NYNRIN: variants seen among roughly 807,000 people sequenced by gnomAD.
The protein encoded by NYNRIN is protein NYNRIN.
Under a neutral mutation model 146.6 loss-of-function variants are expected in NYNRIN, and 86 were observed. The ratio of observed to expected loss-of-function variants is 0.59; its 90% CI spans 0.49 to 0.70. NYNRIN has a LOEUF of 0.70. NYNRIN is among the 30% of genes least tolerant of loss of function. The probability of loss-of-function intolerance (pLI) is 0.00; values close to 1 mark genes in which losing one functional copy is unlikely to be tolerated. For synonymous variants in NYNRIN, 1,027 were observed against 1,001.3 expected, an observed-to-expected ratio of 1.03 and a Z score of -0.48; for missense variants, 2,191 against 2,377.7, an observed-to-expected ratio of 0.92 and a Z score of 1.63.
chr14:24,415,351 G>T lies in NYNRIN; in HGVS notation c.3602G>T (p.Gly1201Val), dbSNP rs2042937618. The part of the protein sequence containing the change: ...KPLLPDEESQ[G>V]PQSGGDSPYA... The stretch of plus-strand genomic sequence containing the variant: ...CTCCTCCCTGATGAGGAGAGCCAGG[G>T]CCCCCAGTCAGGGGGTGACAGCCCC... Residue 1201 changes from glycine to valine, a missense_variant, in exon 9 of 9, where the codon GGC becomes GTC. Physicochemically the swap from Gly to Val is moderately radical, Grantham distance 109. Around this residue, in one of 3 missense-constraint regions of NYNRIN, gnomAD observed 1,291 missense variants for 1,417.0 expected, o/e 0.91. Coordinates refer to ENST00000382554, the MANE Select transcript of NYNRIN (RefSeq NM_025081.3). The T allele has an allele frequency of 1.2e-6, 2 of 1,613,830 alleles. No homozygotes were observed. Among genetic ancestry groups the T allele is most frequent in the African/African-American group, 2.7e-5 (2 of 74,924 alleles).
rs535856737 is a variant in NYNRIN at position 24,399,839 on chromosome 14, C to T, written c.198+395C>T. On this transcript the variant is annotated intron_variant, in intron 2 of 8. Coordinates refer to ENST00000382554, the MANE Select transcript of NYNRIN (RefSeq NM_025081.3). ...GGCCTCTGCAACACACCTCTTTGTT[C>T]TCCACCAAGACTGAAAGGCCCAGGT... Among the ~76,000 whole-genome samples, 24 of 152,346 alleles carry T rather than the reference C, an allele frequency of 1.6e-4. No homozygotes were observed. In the Middle Eastern group the frequency reaches 0.01, roughly 65 times the overall value.
rs1428083379 is a variant in NYNRIN, at chr14:24,410,958, G to C, written c.2415-118G>C. 5.6e-6 allele frequency: 7 copies of C among 1,245,376 alleles called. No individual in the cohort carries two copies. In the Admixed American group the frequency reaches 1.4e-4, roughly 25 times the overall value. 77.1% of individuals were successfully genotyped at this position (1,245,376 alleles called of 1,614,324 possible). A position where few individuals can be genotyped will look rare whatever the true frequency, so the allele number is the denominator to read the frequency against. On this transcript the variant is annotated intron_variant, in intron 4 of 8. Transcript: ENST00000382554. ...CTCACAGAATGTCTGAGTATGGAGG[G>C]AAGGGGAGAGGGCATCATTGGTGTC... is the stretch of plus-strand genomic sequence containing the variant.
intron 6 of NYNRIN, among the ~76,000 whole-genome samples, chr14:24,412,304 G>A (rs1223731094): frequency 6.6e-6 from 1 of 152,184 alleles, no homozygotes; most frequent in Admixed American, 6.5e-5. Context: ...CTGGGCACTT[G>A]AAGAGTAGCA....
rs376539582 is a variant in NYNRIN, at chr14:24,416,857, C to A, written c.5108C>A (p.Ser1703Tyr). 7.5e-6 allele frequency: 12 copies of A among 1,608,492 alleles called. No individual in the cohort carries two copies. The highest frequency in any genetic ancestry group is 1.0e-5 in the Non-Finnish European group (12 of 1,176,724). The change falls in exon 9 of 9, where the codon TCC becomes TAC. Residue 1703 changes from serine (S) to tyrosine (Y), a missense_variant. Coordinates refer to ENST00000382554, the MANE Select transcript of NYNRIN (RefSeq NM_025081.3). The stretch of plus-strand genomic sequence containing the variant: ...CTGGCCCTGGGAGCCCAGGTGGCCT[C>A]CCTGAGTCGGGACCTCCAGTTCCCC... ...CGLALGAQVASLSRDLQFPCL... is the reference protein window; with the variant it reads ...CGLALGAQVAYLSRDLQFPCL...
Position 24,410,040 on chromosome 14 carries a change from A to T in NYNRIN, c.2246A>T (p.Glu749Val), listed in dbSNP as rs2042902108. 6.2e-7 allele frequency: 1 copy of T among 1,613,792 alleles called. No homozygotes were observed. The highest frequency in any genetic ancestry group is 8.5e-7 in the Non-Finnish European group (1 of 1,179,850). ...FQMEGLLGAW[E>V]GAPRQPPRHL... ...ATGGAGGGGCTCCTGGGGGCTTGGG[A>T]GGGGGCCCCAAGGCAGCCACCTCGC... Residue 749 changes from glutamate (E) to valine (V), a missense_variant, in exon 4 of 9, where the codon GAG becomes GTG. Coordinates refer to ENST00000382554, the MANE Select transcript of NYNRIN (RefSeq NM_025081.3).
At position 24,410,048 on chromosome 14, in the gene NYNRIN, C is replaced by T. The variant is rs1342119984; in HGVS notation, c.2254C>T (p.Pro752Ser). The change falls in exon 4 of 9, where the codon CCA becomes TCA. Residue 752 changes from proline to serine, a missense_variant. Transcript: ENST00000382554. ...GCTCCTGGGGGCTTGGGAGGGGGCC[C>T]CAAGGCAGCCACCTCGCCACCTGCA... ...EGLLGAWEGA[P>S]RQPPRHLQAN... 4.3e-6 allele frequency: 7 copies of T among 1,613,902 alleles called. No individual in the cohort carries two copies. Among genetic ancestry groups the T allele is most frequent in the Non-Finnish European group, 4.2e-6 (5 of 1,179,902 alleles).
In NYNRIN at chr14:24,414,627, G is replaced by A. The variant is rs200069421; in HGVS notation, c.2878G>A (p.Val960Met). Reference protein sequence around the residue: ...LDTDIGNFLKVWKTLPPSSAS... With the variant: ...LDTDIGNFLKMWKTLPPSSAS... ...CACTGACATTGGCAACTTCCTGAAG[G>A]TGTGGAAGACCCTTCCTCCCAGCTC... The change falls in exon 9 of 9, where the codon GTG (valine) becomes ATG (methionine). Residue 960 changes from valine (V) to methionine (M), a missense_variant. Around this residue, in one of 3 missense-constraint regions of NYNRIN, gnomAD observed 1,291 missense variants for 1,417.0 expected, o/e 0.91. Transcript: ENST00000382554. The A allele has an allele frequency of 2.2e-5, 35 of 1,613,416 alleles. No individual in the cohort carries two copies. Among genetic ancestry groups the A allele is most frequent in the Non-Finnish European group, 3.0e-5 (35 of 1,179,508 alleles).
Position 24,416,312 on chromosome 14 carries a change from C to G in NYNRIN, c.4563C>G (p.Gly1521=). Residue 1521 remains glycine, a synonymous_variant, in exon 9 of 9, where the codon GGC becomes GGG. Transcript: ENST00000382554. The stretch of plus-strand genomic sequence containing the variant: ...CACTCAGCCTCGACAAGGAGAGTGG[C>G]CTGCTTATGTTCAAGGGAGATAAGA... ...FNSLSLDKES[G]LLMFKGDKKP... The G allele has an allele frequency of 6.2e-7, 1 of 1,613,858 alleles. No homozygotes were observed. Among genetic ancestry groups the G allele is most frequent in the Non-Finnish European group, 8.5e-7 (1 of 1,179,844 alleles).
In NYNRIN at chr14:24,417,092, T is replaced by A; in HGVS notation, c.5343T>A (p.Ile1781=). 1.2e-6 allele frequency: 2 copies of A among 1,613,544 alleles called. 1 individual carries two copies. Among genetic ancestry groups the A allele is most frequent in the South Asian group, 2.2e-5 (2 of 91,050 alleles). ...GGTGGGAGATGAGCAGCGCAAACAT[T>A]GAAGGGCTCAAGATGGACGTCTTCC... ...PLWWEMSSAN[I]EGLKMDVFLL... is the part of the protein sequence containing the mutation. The change falls in exon 9 of 9, where the codon ATT becomes ATA. Residue 1781 remains isoleucine (I), a synonymous_variant. Coordinates refer to ENST00000382554, the MANE Select transcript of NYNRIN (RefSeq NM_025081.3).
In NYNRIN at chr14:24,411,293, G is replaced by C; in HGVS notation, c.2546-61G>C. On this transcript the variant is annotated intron_variant, in intron 5 of 8. Coordinates refer to ENST00000382554, the MANE Select transcript of NYNRIN (RefSeq NM_025081.3). This position sits in a 1 kb window ranked among gnomAD's most constrained non-coding sequence, Gnocchi z 4.3. ...GCTGCCCCGACCCTCTGCCACCCCA[G>C]AGTGGCCATTTCCACTTAGCCCTCC... is the stretch of plus-strand genomic sequence containing the variant. 1 of 1,612,934 alleles carries C rather than the reference G, an allele frequency of 6.2e-7. No individual in the cohort carries two copies. The highest frequency in any genetic ancestry group is 1.1e-5 in the South Asian group (1 of 91,068).
Position 24,417,668 on chromosome 14 carries a change from A to G in NYNRIN, c.*222A>G. On this transcript the variant is annotated 3_prime_UTR_variant, in exon 9 of 9. Coordinates refer to ENST00000382554, the MANE Select transcript of NYNRIN (RefSeq NM_025081.3). ...CTTGGAGAATTTGCCAAAGGCTGTC[A>G]GATATGGGTCCCTGGCAGTTTTACA... The G allele has an allele frequency of 3.6e-6, 2 of 560,712 alleles. No individual in the cohort carries two copies. Among genetic ancestry groups the G allele is most frequent in the Admixed American group, 7.4e-5 (2 of 27,082 alleles). The allele number at this position is 560,712 out of a possible 1,614,324, so 34.7% of individuals were successfully genotyped here. A position where few individuals can be genotyped will look rare whatever the true frequency, so the allele number is the denominator to read the frequency against.
Position 24,415,188 on chromosome 14 carries a change from T to A in NYNRIN, c.3439T>A (p.Ser1147Thr). ...AFLALKRALV[S>T]ALCLMAPNSQ... is the part of the protein sequence containing the mutation. ...CCTGGCCCTGAAGCGAGCCCTGGTG[T>A]CTGCCCTCTGCCTGATGGCCCCCAA... Residue 1147 changes from serine (S) to threonine (T), a missense_variant, in exon 9 of 9, where the codon TCT (serine) becomes ACT (threonine). Ser to Thr is a moderately conservative substitution (Grantham distance 58). Transcript: ENST00000382554. 1 of 1,609,570 alleles carries A rather than the reference T, an allele frequency of 6.2e-7. No individual in the cohort carries two copies. Among genetic ancestry groups the A allele is most frequent in the Non-Finnish European group, 8.5e-7 (1 of 1,179,720 alleles).
In NYNRIN at chr14:24,416,034, C is replaced by T. The variant is rs1317282176; in HGVS notation, c.4285C>T (p.Arg1429Ter). 8.1e-6 allele frequency: 13 copies of T among 1,613,898 alleles called. No homozygotes were observed. The highest frequency in any genetic ancestry group is 2.7e-5 in the African/African-American group (2 of 74,920). The change falls in exon 9 of 9, where the codon CGA becomes TGA. Residue 1429 changes from arginine to a stop codon, truncating the protein, a stop_gained. Coordinates refer to ENST00000382554, the MANE Select transcript of NYNRIN (RefSeq NM_025081.3). LOFTEE classifies it high-confidence loss of function. ...CCTCTCATCCCTTCCGTTTATCTAC[C>T]GAACCTCCTACCGGGGCTCTCTGTT... ...SGLSSLPFIY[R>*]TSYRGSLFAV...
In NYNRIN at chr14:24,417,126, C is replaced by T; in HGVS notation, c.5377C>T (p.Leu1793=). Residue 1793 remains leucine, a synonymous_variant, in exon 9 of 9, where the codon CTG becomes TTG. Transcript: ENST00000382554. ...GLKMDVFLLQ[L]VGELLELHWR... ...CAAGATGGACGTCTTCCTGCTACAG[C>T]TGGTGGGGGAGCTGCTGGAGCTCCA... is the stretch of plus-strand genomic sequence containing the variant. 2 of 1,613,912 alleles carry T rather than the reference C, an allele frequency of 1.2e-6. No homozygotes were observed. The highest frequency in any genetic ancestry group is 2.2e-5 in the East Asian group (1 of 44,878).
At position 24,410,171 on chromosome 14, in the gene NYNRIN, C is replaced by T. The variant is rs762063546; in HGVS notation, c.2377C>T (p.Arg793Trp). ...AGGGGAACCTGGAAACCAGGGGTTGCGGCGAGTGGTCATCGATGGCAGCAG... is the reference window on the plus strand; with the variant it reads ...AGGGGAACCTGGAAACCAGGGGTTGTGGCGAGTGGTCATCGATGGCAGCAG... ...LSGEPGNQGL[R>W]RVVIDGSSVA... Residue 793 changes from arginine (R) to tryptophan (W), a missense_variant, in exon 4 of 9, where the codon CGG becomes TGG. Arg to Trp is a moderately radical substitution (Grantham distance 101). Coordinates refer to ENST00000382554, the MANE Select transcript of NYNRIN (RefSeq NM_025081.3). 2.5e-6 allele frequency: 4 copies of T among 1,609,744 alleles called. No individual in the cohort carries two copies. The highest frequency in any genetic ancestry group is 2.2e-5 in the East Asian group (1 of 44,810).
At position 24,408,842 on chromosome 14, in the gene NYNRIN, T is replaced by C; in HGVS notation, c.1048T>C (p.Trp350Arg). 1 of 1,614,034 alleles carries C rather than the reference T, an allele frequency of 6.2e-7. No homozygotes were observed. The highest frequency in any genetic ancestry group is 8.5e-7 in the Non-Finnish European group (1 of 1,179,890). ...ALGVCPPWKA[W>R]TPGPAFGPLW... ...GGGTGTGTGCCCACCCTGGAAGGCC[T>C]GGACCCCGGGGCCAGCCTTTGGGCC... Residue 350 changes from tryptophan (W) to arginine (R), a missense_variant, in exon 4 of 9, where the codon TGG becomes CGG. Around this residue, in one of 3 missense-constraint regions of NYNRIN, gnomAD observed 895 missense variants for 941.2 expected, o/e 0.95. Coordinates refer to ENST00000382554, the MANE Select transcript of NYNRIN (RefSeq NM_025081.3).
Position 24,416,492 on chromosome 14 carries a change from T to A in NYNRIN, c.4743T>A (p.Asp1581Glu), listed in dbSNP as rs773603303. The change falls in exon 9 of 9, where the codon GAT (aspartate) becomes GAA (glutamate). Residue 1581 changes from aspartate (D) to glutamate (E), a missense_variant. Around this residue, in one of 3 missense-constraint regions of NYNRIN, gnomAD observed 1,291 missense variants for 1,417.0 expected, o/e 0.91. Transcript: ENST00000382554. ...WWPGMQEHVK[D>E]YCRSCLFCIP... is the part of the protein sequence containing the mutation. ...CTGGGATGCAGGAGCATGTGAAAGA[T>A]TACTGCAGGAGCTGCTTGTTCTGCA... is the stretch of plus-strand genomic sequence containing the variant. The A allele has an allele frequency of 6.2e-7, 1 of 1,613,582 alleles. No homozygotes were observed. The highest frequency in any genetic ancestry group is 8.5e-7 in the Non-Finnish European group (1 of 1,179,738).
At chr14:24,413,501 C>T (rs931598753) in intron 8 of NYNRIN, 84 bp downstream of exon 8, 9 of 817,850 alleles carry the variant, frequency 1.1e-5, no homozygotes, top group Non-Finnish European at 1.7e-5. Flanking sequence ...ACATCTAGTG[C>T]GTAATAATGA....
In NYNRIN at chr14:24,411,275, C is replaced by T. The variant is rs137918735; in HGVS notation, c.2545+69C>T. The T allele has an allele frequency of 0.012, 19,712 of 1,611,108 alleles. 150 individuals are homozygous for T. The highest frequency in any genetic ancestry group is 0.015 in the Non-Finnish European group (17,374 of 1,177,666). Reference sequence around the variant, plus strand: ...CTTTCTTCTCTCTGCCTTGCTGCCCCGACCCTCTGCCACCCCAGAGTGGCC... The same window carrying T: ...CTTTCTTCTCTCTGCCTTGCTGCCCTGACCCTCTGCCACCCCAGAGTGGCC... On this transcript the variant is annotated intron_variant, in intron 5 of 8. Coordinates refer to ENST00000382554, the MANE Select transcript of NYNRIN (RefSeq NM_025081.3). The surrounding 1 kb of genome is among the most constrained non-coding windows in gnomAD (Gnocchi z 4.3).
Sources: gnomAD v4.1 joint callset for allele counts (sites outside exome capture counted in the v4.1 genomes callset) on GRCh38, gnomAD v4.1.1 for gene constraint, gnomAD v4.1.1 regional missense constraint, Gnocchi (gnomAD v3.1) non-coding constraint, MANE v1.5 for transcripts, NCBI Gene and HGNC (gene_info 2026-07-23, HGNC 2026-07-21) for gene names.